The following AOPEP variants were observed in gnomAD, a reference collection of about 807,000 sequenced individuals.
AOPEP encodes the protein aminopeptidase O (putative).
AOPEP carries 77 observed loss-of-function variants against 98.1 expected under a neutral mutation model. The observed-to-expected ratio is 0.78, with a 90% confidence interval of 0.65 to 0.95. The LOEUF (loss-of-function observed/expected upper bound fraction) is 0.95. Among genes scored for constraint, AOPEP ranks in the 40% least tolerant of loss-of-function variants. AOPEP has a pLI of 0.00. For missense variants in AOPEP, 1,024 were observed against 1,024.7 expected (o/e 1.00, Z 0.01); for synonymous variants, 346 against 365.3 (o/e 0.95, Z 0.60).
chr9:95,076,852 T>G (rs1225942354), intron 14 of AOPEP, among the ~76,000 whole-genome samples: 2 of 152,240 alleles, frequency 1.3e-5, no homozygotes, highest in Non-Finnish European at 2.9e-5. Flanking sequence ...CATTTGCTGA[T>G]CAGTCTCCAT....
chr9:94,841,213 C>G (rs1160691319), intron 5 of AOPEP, among the ~76,000 whole-genome samples: 1 of 151,180 alleles, frequency 6.6e-6, no homozygotes, highest in East Asian at 1.9e-4. Flanking sequence ...ACTCTGTCGC[C>G]CAGGCTAGAT....
chr9:95,052,755 T>C (rs901653051), intron 13 of AOPEP, among the ~76,000 whole-genome samples: 2 of 152,206 alleles, frequency 1.3e-5, no homozygotes, highest in Admixed American at 6.5e-5. Flanking sequence ...TGGATGAAAT[T>C]ACTGGTTTTT....
At chr9:95,101,843 T>C in the AOPEP span, 1 of 1,613,962 alleles carries the variant, frequency 6.2e-7, no homozygotes, top group Non-Finnish European at 8.5e-7. Context: ...CTCAGCAGTG[T>C]GAGCCATCTG....
Position 94,828,801 on chromosome 9 carries a change from ATTAT to A in AOPEP, c.1364+27804_1364+27807del, listed in dbSNP as rs557282618. ...CATACTTTAGTTATATAATAAACAC[ATTAT>A]TTATATATATTTCTTATTATATGTA... On this transcript the variant is annotated intron_variant, in intron 5 of 16. Transcript: ENST00000375315. Among the ~76,000 whole-genome samples, 336 of 151,324 alleles carry A rather than the reference ATTAT, an allele frequency of 2.2e-3. 1 individual carries two copies. Among genetic ancestry groups the A allele is most frequent in the African/African-American group, 7.7e-3 (318 of 41,308 alleles).
intron 5 of AOPEP, among the ~76,000 whole-genome samples, chr9:94,870,961 T>A (rs1295774915): frequency 6.6e-6 from 1 of 152,224 alleles, no homozygotes; most frequent in African/African-American, 2.4e-5. Flanking sequence ...CATTGTCCGC[T>A]CCCTCAGCAG....
chr9:95,030,413 C>T (rs1419331646), intron 13 of AOPEP, among the ~76,000 whole-genome samples: 3 of 152,290 alleles, frequency 2.0e-5, no homozygotes, highest in African/African-American at 7.2e-5. Flanking sequence ...TAAAAAGCAA[C>T]TTCATTGACC....
intron 5 of AOPEP, among the ~76,000 whole-genome samples, chr9:94,831,044 T>A (rs1029284830): frequency 1.3e-5 from 2 of 152,236 alleles, no homozygotes; most frequent in African/African-American, 2.4e-5. Flanking sequence ...GTACAGAAGC[T>A]CCTTAGTTTA....
chr9:95,086,261 G>C (rs1345812573), intron 16 of AOPEP: 1 of 1,215,434 alleles, frequency 8.2e-7, no homozygotes, highest in Non-Finnish European at 1.0e-6. Context: ...TTGTAGACTT[G>C]GAAAACCCTG....
intron 13 of AOPEP, among the ~76,000 whole-genome samples, chr9:95,043,136 TG>T (rs1411776999): frequency 6.6e-6 from 1 of 150,856 alleles, no homozygotes; most frequent in Non-Finnish European, 1.5e-5. Flanking sequence ...TAAGAAAAGG[TG>T]GGAGGTAGTT....
chr9:94,885,607 G>A (rs1209262988), intron 5 of AOPEP, among the ~76,000 whole-genome samples: 2 of 152,000 alleles, frequency 1.3e-5, no homozygotes, highest in Non-Finnish European at 2.9e-5. Context: ...GCTGGGACAT[G>A]TAGCCTAACA....
the AOPEP span, among the ~76,000 whole-genome samples, chr9:95,149,122 T>G: frequency 6.6e-6 from 1 of 152,170 alleles, no homozygotes; most frequent in Non-Finnish European, 1.5e-5. Flanking sequence ...AAAAATAAGC[T>G]ATTTGTGTTA....
chr9:94,960,995 C>T (rs1369962853), intron 9 of AOPEP, among the ~76,000 whole-genome samples: 4 of 135,738 alleles, frequency 2.9e-5, no homozygotes, highest in East Asian at 4.2e-4. Flanking sequence ...GCCTGGGCGA[C>T]AGAGCGAGAA....
At chr9:94,771,329 C>T (rs559801354) in intron 2 of AOPEP, among the ~76,000 whole-genome samples, 2 of 152,282 alleles carry the variant, frequency 1.3e-5, no homozygotes, top group South Asian at 2.1e-4. Context: ...GCCCAATACC[C>T]ATTTCACCCG....
At chr9:94,984,180 C>A (rs2060373444) in intron 11 of AOPEP, among the ~76,000 whole-genome samples, 1 of 151,874 alleles carries the variant, frequency 6.6e-6, no homozygotes, top group Non-Finnish European at 1.5e-5. Context: ...ATACAGGCGC[C>A]CGCCACCACG....
chr9:94,924,900 T>G (rs776945719), intron 6 of AOPEP, among the ~76,000 whole-genome samples: 2 of 152,250 alleles, frequency 1.3e-5, no homozygotes, highest in Non-Finnish European at 2.9e-5. Context: ...GCTCCCAGTT[T>G]GCAACCTCTA....
chr9:94,962,864 C>T (rs990247062), intron 9 of AOPEP, among the ~76,000 whole-genome samples: 1 of 152,014 alleles, frequency 6.6e-6, no homozygotes, highest in African/African-American at 2.4e-5. Flanking sequence ...CTGCCTCAGC[C>T]TCCCGAGTAG....
intron 14 of AOPEP, among the ~76,000 whole-genome samples, chr9:95,066,669 CCT>C (rs1353289285): frequency 1.3e-4 from 20 of 152,080 alleles, no homozygotes; most frequent in African/African-American, 4.6e-4. Flanking sequence ...GATGTGAGGG[CCT>C]CTGTGTTTGC....
chr9:95,012,830 G>A (rs1240309504), intron 13 of AOPEP, among the ~76,000 whole-genome samples: 3 of 151,866 alleles, frequency 2.0e-5, no homozygotes, highest in Admixed American at 1.3e-4. Flanking sequence ...TTAAATGAAT[G>A]AATCCCACAA....
chr9:94,807,885 A>T (rs1357472756), intron 5 of AOPEP, among the ~76,000 whole-genome samples: 1 of 152,220 alleles, frequency 6.6e-6, no homozygotes, highest in Non-Finnish European at 1.5e-5. Flanking sequence ...CAATGTGTGA[A>T]CAGCTCTGCT....
Sources: gnomAD v4.1 joint callset for allele counts (sites outside exome capture counted in the v4.1 genomes callset) on GRCh38, gnomAD v4.1.1 for gene constraint, MANE v1.5 for transcripts, NCBI Gene and HGNC (gene_info 2026-07-23, HGNC 2026-07-21) for gene names.